Variants in JMJD1C observed in about 807,000 individuals in gnomAD.
JMJD1C encodes jumonji domain containing 1C.
A neutral mutation model predicts 245.3 loss-of-function variants in JMJD1C; 31 were observed. That is an observed-to-expected ratio of 0.13 (90% CI 0.09 to 0.17). JMJD1C has a LOEUF of 0.17. Among genes scored for constraint, JMJD1C ranks in the 10% least tolerant of loss-of-function variants. The pLI is 1.00. For missense variants in JMJD1C, 2,691 were observed against 3,000.2 expected (o/e 0.90, Z 2.41); for synonymous variants, 1,057 against 1,017.4 (o/e 1.04, Z -0.74).
chr10:63,251,182 A>G (rs900461460), intron 3 of JMJD1C, among the ~76,000 whole-genome samples: 1 of 152,256 alleles, frequency 6.6e-6, no homozygotes, highest in Non-Finnish European at 1.5e-5. Context: ...CTTGTTATAC[A>G]GAATTCAACA....
intron 1 of JMJD1C, among the ~76,000 whole-genome samples, chr10:63,484,740 T>A (rs1392448766): frequency 2.0e-5 from 3 of 152,146 alleles, no homozygotes; most frequent in African/African-American, 7.2e-5. Context: ...TAAAATTGAT[T>A]ATAATAAGTA....
intron 1 of JMJD1C, among the ~76,000 whole-genome samples, chr10:63,476,708 G>C (rs1953672253): frequency 6.6e-6 from 1 of 152,116 alleles, no homozygotes; most frequent in African/African-American, 2.4e-5. Context: ...CAGCCTGGAT[G>C]ACAGAGCAAA....
chr10:63,355,742 AT>A (rs1184654566), intron 2 of JMJD1C, among the ~76,000 whole-genome samples: 2 of 151,972 alleles, frequency 1.3e-5, no homozygotes, highest in Non-Finnish European at 2.9e-5. Context: ...CTAGTTACTT[AT>A]TAAAAAAAAA....
intron 3 of JMJD1C, chr10:63,222,932 C>A: frequency 4.0e-6 from 6 of 1,506,052 alleles, no homozygotes; most frequent in Middle Eastern, 2.4e-4. Flanking sequence ...CAGAAATGAA[C>A]CCTGCCATAT....
At chr10:63,368,661 G>A (rs1183416311) in intron 2 of JMJD1C, among the ~76,000 whole-genome samples, 2 of 152,144 alleles carry the variant, frequency 1.3e-5, no homozygotes, top group Non-Finnish European at 2.9e-5. Flanking sequence ...CTGTTGCTAA[G>A]ATTCATTTAC....
chr10:63,275,634 C>T (rs1856705852), intron 2 of JMJD1C, among the ~76,000 whole-genome samples: 1 of 151,898 alleles, frequency 6.6e-6, no homozygotes. Flanking sequence ...AAAATATGAA[C>T]TAGAGATTAA....
chr10:63,427,853 A>C, intron 1 of JMJD1C: 1 of 929,740 alleles, frequency 1.1e-6, no homozygotes, highest in South Asian at 1.3e-5. Context: ...AAGGAAGCCA[A>C]GGAGCAGGCA....
intron 1 of JMJD1C, among the ~76,000 whole-genome samples, chr10:63,493,249 C>CTTTT (rs752941477): frequency 0.013 from 647 of 49,170 alleles, 142 homozygotes; most frequent in South Asian, 0.034. Context: ...ACTGTTATTT[C>CTTTT]TTTTTTTTTT....
chr10:63,340,521 G>A (rs946229254), intron 2 of JMJD1C, among the ~76,000 whole-genome samples: 1 of 152,200 alleles, frequency 6.6e-6, no homozygotes, highest in African/African-American at 2.4e-5. Context: ...ATTAAAAAGA[G>A]AGAAGGCATT....
chr10:63,519,805 A>T (rs1955149659), intron 1 of JMJD1C, among the ~76,000 whole-genome samples: 1 of 152,204 alleles, frequency 6.6e-6, no homozygotes, highest in Non-Finnish European at 1.5e-5. Flanking sequence ...GGGAACGGGT[A>T]CATTAGGAGT....
intron 2 of JMJD1C, among the ~76,000 whole-genome samples, chr10:63,285,545 A>T (rs1857886396): frequency 6.6e-6 from 1 of 152,168 alleles, no homozygotes; most frequent in Non-Finnish European, 1.5e-5. Flanking sequence ...CTGCCCGGGC[A>T]GAGTGGCTGA....
intron 1 of JMJD1C, among the ~76,000 whole-genome samples, chr10:63,417,406 A>G (rs1215657877): frequency 6.6e-6 from 1 of 152,218 alleles, no homozygotes; most frequent in African/African-American, 2.4e-5. Flanking sequence ...TTTAGTATGT[A>G]TATTATGGCT....
intron 3 of JMJD1C, among the ~76,000 whole-genome samples, chr10:63,237,967 G>C (rs1300432005): frequency 1.7e-5 from 2 of 120,666 alleles, no homozygotes; most frequent in Admixed American, 1.1e-4. Context: ...TCAAAACTTA[G>C]AGACCAGCCT....
chr10:63,434,321 G>A (rs189055492), intron 1 of JMJD1C, among the ~76,000 whole-genome samples: 3 of 152,074 alleles, frequency 2.0e-5, no homozygotes, highest in Admixed American at 1.3e-4. Flanking sequence ...CGTTACAAAC[G>A]GCAATGGACT....
chr10:63,494,813 T>C (rs1954303042), intron 1 of JMJD1C, among the ~76,000 whole-genome samples: 1 of 152,154 alleles, frequency 6.6e-6, no homozygotes, highest in South Asian at 2.1e-4. Context: ...AAACTGAGGC[T>C]CACACTGGTC....
chr10:63,520,279 T>C (rs1051745996), intron 1 of JMJD1C, among the ~76,000 whole-genome samples: 4 of 152,154 alleles, frequency 2.6e-5, no homozygotes, highest in African/African-American at 9.7e-5. Flanking sequence ...ACAGTATTAT[T>C]ACCCCCTTTT....
chr10:63,208,091 G>A lies in JMJD1C; in HGVS notation c.3578C>T (p.Ser1193Phe), dbSNP rs755766861. Residue 1193 changes from serine to phenylalanine, a missense_variant, in exon 10 of 26, where the codon TCT (serine) becomes TTT (phenylalanine). Coordinates refer to ENST00000399262, the MANE Select transcript of JMJD1C (RefSeq NM_032776.3). ...CRSPTHLTVSSTNTLRSMPAL... is the reference protein window; with the variant it reads ...CRSPTHLTVSFTNTLRSMPAL... ...AGGCATACTGCGGAGTGTATTTGTA[G>A]AAGAAACTGTCAAATGGGTAGGACT... 10 of 1,614,130 alleles carry A rather than the reference G, an allele frequency of 6.2e-6. No individual in the cohort carries two copies. Among genetic ancestry groups the A allele is most frequent in the Non-Finnish European group, 8.5e-6 (10 of 1,179,992 alleles).
At chr10:63,245,133 CAAAAAAAAAAA>C (rs71025133) in intron 3 of JMJD1C, among the ~76,000 whole-genome samples, 20 of 65,696 alleles carry the variant, frequency 3.0e-4, no homozygotes, top group African/African-American at 1.0e-3. Context: ...GACTCTGTCT[CAAAAAAAAAAA>C]AAAAAAAAAA....
At chr10:63,350,909 G>A (rs1218641332) in intron 2 of JMJD1C, among the ~76,000 whole-genome samples, 7 of 151,778 alleles carry the variant, frequency 4.6e-5, no homozygotes, top group African/African-American at 7.3e-5. Context: ...GTGAGCCACC[G>A]CACCCGGCCC....
Sources: allele counts gnomAD v4.1 joint callset (sites outside exome capture counted in the v4.1 genomes callset), GRCh38; gene constraint gnomAD v4.1.1; transcripts MANE v1.5; gene names NCBI Gene and HGNC (gene_info 2026-07-23, HGNC 2026-07-21).